Variants in CLUL1 observed in about 807,000 individuals in gnomAD.
CLUL1 encodes the protein clusterin like 1.
CLUL1 carries 43 observed loss-of-function variants against 49.4 expected under a neutral mutation model. The ratio of observed to expected loss-of-function variants is 0.87; its 90% CI spans 0.68 to 1.12. The LOEUF is 1.12. Ranked by LOEUF, CLUL1 falls within the 50% of genes most tolerant of loss-of-function variation. CLUL1 has a pLI of 0.00. For synonymous variants in CLUL1, 192 were observed against 184.9 expected (o/e 1.04, Z -0.31); for missense variants, 486 against 544.4 (o/e 0.89, Z 1.07).
At position 610,204 on chromosome 18, in the gene CLUL1, ATTATGTATGATTTTGCTTGTTTAG is replaced by A. The variant is rs545100761; in HGVS notation, c.-14+3107_-14+3130del. On this transcript the variant is annotated intron_variant, in intron 2 of 9. Coordinates refer to ENST00000692774, the MANE Select transcript of CLUL1 (RefSeq NM_001393344.1). ...AATTTAAAGAAAAACTTGATATTTA[ATTATGTATGATTTTGCTTGTTTAG>A]TCTACCGATTTCTATTTGCTTTAGC... Among the ~76,000 whole-genome samples the A allele has an allele frequency of 1.2e-3, 177 of 152,304 alleles. 2 individuals are homozygous for A. The highest frequency in any genetic ancestry group is 3.9e-3 in the African/African-American group (162 of 41,558).
intron 7 of CLUL1, 125 bp from the exon 8 acceptor site, chr18:641,202 A>T: frequency 2.9e-6 from 2 of 689,392 alleles, no homozygotes; most frequent in Non-Finnish European, 5.0e-6. Context: ...CAACAGGCAT[A>T]ACTAAAAACT....
Position 597,130 on chromosome 18 carries a change from G to A in CLUL1, c.-136+1G>A, listed in dbSNP as rs1293684907. The A allele has an allele frequency of 6.5e-6, 1 of 152,850 alleles. No individual in the cohort carries two copies. The highest frequency in any genetic ancestry group is 2.4e-5 in the African/African-American group (1 of 41,476). The allele number at this position is 152,850 out of a possible 1,614,324, so 9.5% of individuals were successfully genotyped here. The stretch of plus-strand genomic sequence containing the variant: ...CTCAAGCGCATCTTAGGAATGACAG[G>A]TGAGAACATCCTCCGGGCCCCAGAT... On this transcript the variant is annotated splice_donor_variant, in intron 1 of 9. Transcript: ENST00000692774. LOFTEE classifies it low-confidence loss of function (5UTR_SPLICE).
chr18:636,668 G>A (rs1008465542), intron 7 of CLUL1, among the ~76,000 whole-genome samples: 26 of 130,256 alleles, frequency 2.0e-4, no homozygotes, highest in African/African-American at 6.1e-4. Flanking sequence ...CTCTGTCGCC[G>A]AGGCTGGAGT....
intron 7 of CLUL1, among the ~76,000 whole-genome samples, chr18:635,682 TG>T (rs1163743786): frequency 6.7e-6 from 1 of 149,092 alleles, no homozygotes; most frequent in Non-Finnish European, 1.5e-5. Context: ...GCCCCTCCCT[TG>T]GCTTTCTCTC....
chr18:607,492 G>T (rs560571876), intron 2 of CLUL1, among the ~76,000 whole-genome samples: 42 of 152,266 alleles, frequency 2.8e-4, no homozygotes, highest in African/African-American at 9.6e-4. Flanking sequence ...GGAGTGTAGT[G>T]GTGCAATCAC....
chr18:627,615 T>G, intron 6 of CLUL1, 86 bp downstream of exon 6: 1 of 918,862 alleles, frequency 1.1e-6, no homozygotes, highest in Non-Finnish European at 1.6e-6. Context: ...CATTTCTGAG[T>G]CACATTGTAT....
chr18:603,151 G>T (rs2072877949), intron 1 of CLUL1, among the ~76,000 whole-genome samples: 1 of 152,154 alleles, frequency 6.6e-6, no homozygotes, highest in Admixed American at 6.5e-5. Context: ...CAAAGTATGA[G>T]CCAGGACCAG....
rs2072972611 is a variant in CLUL1 at position 606,329 on chromosome 18, G to A, written c.-135-649G>A. 6.6e-6 allele frequency among the ~76,000 whole-genome samples: 1 copy of A among 152,106 alleles called. No individual in the cohort carries two copies. The highest frequency in any genetic ancestry group is 2.4e-5 in the African/African-American group (1 of 41,410). On this transcript the variant is annotated intron_variant, in intron 1 of 9. Coordinates refer to ENST00000692774, the MANE Select transcript of CLUL1 (RefSeq NM_001393344.1). The surrounding 1 kb of genome is among the most constrained non-coding windows in gnomAD (Gnocchi z 4.1). ...CTAACTCCCCACCACTGACTCTAGG[G>A]GAAAAACAGCACAGGGCAGGAAACG...
At position 624,903 on chromosome 18, in the gene CLUL1, G is replaced by A. The variant is rs1196639649; in HGVS notation, c.294G>A (p.Leu98=). 2 of 1,614,154 alleles carry A rather than the reference G, an allele frequency of 1.2e-6. No homozygotes were observed. The highest frequency in any genetic ancestry group is 1.1e-5 in the South Asian group (1 of 91,078). ...TTCTGAATGAAGTTCAAGAACATCT[G>A]GAGGAAGAAGAAAGGCTATGCCGGG... ...LKLLNEVQEH[L]EEEERLCRES... Residue 98 remains leucine (L), a synonymous_variant, in exon 5 of 10, where the codon CTG becomes CTA. Transcript: ENST00000692774.
intron 7 of CLUL1, among the ~76,000 whole-genome samples, chr18:634,742 T>C (rs955481044): frequency 7.9e-5 from 12 of 152,088 alleles, no homozygotes; most frequent in African/African-American, 2.9e-4. Flanking sequence ...GGAAAGTGGC[T>C]TCTCCTCCCA....
intron 9 of CLUL1, among the ~76,000 whole-genome samples, chr18:648,549 T>C (rs2074582997): frequency 6.6e-6 from 1 of 152,164 alleles, no homozygotes; most frequent in African/African-American, 2.4e-5. Flanking sequence ...TAGAATTACT[T>C]GTTTAGAGGT....
chr18:645,636 T>TA (rs917012399), intron 9 of CLUL1, among the ~76,000 whole-genome samples: 3 of 148,320 alleles, frequency 2.0e-5, no homozygotes, highest in East Asian at 2.0e-4. Context: ...TCTACTAAAA[T>TA]AAAAAAAATT....
At chr18:644,480 C>A (rs2074418424) in intron 8 of CLUL1, among the ~76,000 whole-genome samples, 1 of 152,176 alleles carries the variant, frequency 6.6e-6, no homozygotes, top group African/African-American at 2.4e-5. Flanking sequence ...AGCAAACATC[C>A]CACCTCCTCT....
chr18:618,164 C>A lies in CLUL1; in HGVS notation c.106+58C>A. On this transcript the variant is annotated intron_variant, in intron 3 of 9. Transcript: ENST00000692774. This position sits in a 1 kb window ranked among gnomAD's most constrained non-coding sequence, Gnocchi z 4.2. The stretch of plus-strand genomic sequence containing the variant: ...GTTTGCATGTTGGTTGTCCTGCTGG[C>A]GTTTATAGTGAGTCGCAGTTGAGAG... The A allele has an allele frequency of 1.6e-6, 2 of 1,286,264 alleles. No homozygotes were observed. Among genetic ancestry groups the A allele is most frequent in the Non-Finnish European group, 2.3e-6 (2 of 886,062 alleles). 79.7% of individuals were successfully genotyped at this position (1,286,264 alleles called of 1,614,324 possible). A position where few individuals can be genotyped will look rare whatever the true frequency, so the allele number is the denominator to read the frequency against.
chr18:632,932 A>G (rs1178954802), intron 6 of CLUL1, among the ~76,000 whole-genome samples: 1 of 152,108 alleles, frequency 6.6e-6, no homozygotes, highest in African/African-American at 2.4e-5. Context: ...AGGCGGGTGG[A>G]TCATTTGAGG....
intron 9 of CLUL1, among the ~76,000 whole-genome samples, chr18:645,830 T>A (rs866548381): frequency 0.14 from 10,908 of 77,618 alleles, 2,194 homozygotes; most frequent in East Asian, 0.27. Flanking sequence ...TATATATATA[T>A]ATATATATAT....
chr18:627,964 C>T (rs1164537630), intron 6 of CLUL1, among the ~76,000 whole-genome samples: 1 of 152,168 alleles, frequency 6.6e-6, no homozygotes, highest in Non-Finnish European at 1.5e-5. Flanking sequence ...GCTGGGACTA[C>T]AGTTGTGCAC....
intron 2 of CLUL1, among the ~76,000 whole-genome samples, chr18:607,514 G>A (rs2073010839): frequency 6.6e-6 from 1 of 152,256 alleles, no homozygotes; most frequent in South Asian, 2.1e-4. Flanking sequence ...ATTCAGTGCG[G>A]CCCTGATCTC....
At chr18:612,561 C>G (rs999938046) in intron 2 of CLUL1, among the ~76,000 whole-genome samples, 1 of 152,166 alleles carries the variant, frequency 6.6e-6, no homozygotes, top group Non-Finnish European at 1.5e-5. Flanking sequence ...TGCACTGGGT[C>G]CTGAAAATTG....
Sources: allele counts gnomAD v4.1 joint callset (sites outside exome capture counted in the v4.1 genomes callset), GRCh38; gene constraint gnomAD v4.1.1; non-coding constraint Gnocchi (gnomAD v3.1); transcripts MANE v1.5; gene names NCBI Gene and HGNC (gene_info 2026-07-23, HGNC 2026-07-21).